CNTLN: variants seen among roughly 807,000 people sequenced by gnomAD.
CNTLN encodes centlein, also known as centlein, centrosomal protein.
A neutral mutation model predicts 180.0 loss-of-function variants in CNTLN; 212 were observed. The observed-to-expected ratio is 1.18, with a 90% confidence interval of 1.05 to 1.32. The LOEUF is 1.32. CNTLN is among the 40% of genes most tolerant of loss of function. The pLI is 0.00. For synonymous variants in CNTLN, 722 were observed against 563.1 expected (o/e 1.28, Z -3.99); for missense variants, 2,095 against 1,610.9 (o/e 1.30, Z -5.14).
At chr9:17,519,362 A>T in the CNTLN span, among the ~76,000 whole-genome samples, 1 of 152,192 alleles carries the variant, frequency 6.6e-6, no homozygotes, top group East Asian at 1.9e-4. Flanking sequence ...TTTTAATTTA[A>T]CATGGTACTC....
Position 17,309,104 on chromosome 9 carries a change from A to C in CNTLN, c.1193A>C (p.Glu398Ala). ...TGTTTTGAAACCACAAAATCAAATG[A>C]AGCTATGCTCCGGCAAAGTGTTACT... ...HICFETTKSNEAMLRQSVTNL... is the reference protein window; with the variant it reads ...HICFETTKSNAAMLRQSVTNL... The change falls in exon 8 of 26, where the codon GAA (glutamate) becomes GCA (alanine). Residue 398 changes from glutamate (E) to alanine (A), a missense_variant. Coordinates refer to ENST00000380647, the MANE Select transcript of CNTLN (RefSeq NM_017738.4). The C allele has an allele frequency of 6.2e-7, 1 of 1,602,362 alleles. No individual in the cohort carries two copies. Among genetic ancestry groups the C allele is most frequent in the Non-Finnish European group, 8.5e-7 (1 of 1,176,450 alleles).
chr9:17,523,736 T>C, the CNTLN span, among the ~76,000 whole-genome samples: 4 of 152,234 alleles, frequency 2.6e-5, no homozygotes, highest in African/African-American at 4.8e-5. Context: ...CTGAGACTTC[T>C]AGAACTTTTA....
At chr9:17,478,413 C>T (rs1453299247) in intron 23 of CNTLN, among the ~76,000 whole-genome samples, 1 of 151,976 alleles carries the variant, frequency 6.6e-6, no homozygotes, top group Non-Finnish European at 1.5e-5. Context: ...TTGATGTAGT[C>T]CTACTTATTT....
At position 17,366,645 on chromosome 9, in the gene CNTLN, C is replaced by T; in HGVS notation, c.1915C>T (p.Leu639Phe). Residue 639 changes from leucine to phenylalanine, a missense_variant, in exon 13 of 26, where the codon CTT becomes TTT. Leu to Phe is a conservative substitution (Grantham distance 22, BLOSUM62 0). Transcript: ENST00000380647. The part of the protein sequence containing the change: ...KMNLEEELDE[L>F]KVHISIDKAA... ...GAATCTTGAAGAAGAATTAGATGAA[C>T]TTAAAGTACATATATCTATTGATAA... 1 of 1,563,708 alleles carries T rather than the reference C, an allele frequency of 6.4e-7. No individual in the cohort carries two copies. Among genetic ancestry groups the T allele is most frequent in the South Asian group, 1.2e-5 (1 of 86,932 alleles).
At chr9:17,465,253 A>G (rs1831681464) in intron 21 of CNTLN, among the ~76,000 whole-genome samples, 1 of 150,560 alleles carries the variant, frequency 6.6e-6, no homozygotes, top group Non-Finnish European at 1.5e-5. Context: ...AAATTTAAGT[A>G]TCTCTTAGGT....
chr9:17,425,432 G>A (rs1257313878), intron 18 of CNTLN, among the ~76,000 whole-genome samples: 1 of 152,200 alleles, frequency 6.6e-6, no homozygotes, highest in East Asian at 1.9e-4. Context: ...TGACTGTGCT[G>A]ACACCCTGAT....
intron 13 of CNTLN, among the ~76,000 whole-genome samples, chr9:17,382,643 C>G (rs919146090): frequency 1.3e-5 from 2 of 152,074 alleles, no homozygotes; most frequent in Non-Finnish European, 2.9e-5. Context: ...AAAAATTGTT[C>G]TAAAACCCAT....
In CNTLN at chr9:17,264,469, A is replaced by G. The variant is rs568918410; in HGVS notation, c.850-9264A>G. Among the ~76,000 whole-genome samples, 277 of 149,446 alleles carry G rather than the reference A, an allele frequency of 1.9e-3. 7 individuals carry two copies. The highest frequency in any genetic ancestry group is 0.012 in the South Asian group (52 of 4,484). ...TAGCCTTGTAGTATAGTTTGAAGTC[A>G]GGTATCATGATGCCTTCAGCTTTGT... On this transcript the variant is annotated intron_variant, in intron 5 of 25. Coordinates refer to ENST00000380647, the MANE Select transcript of CNTLN (RefSeq NM_017738.4).
intron 5 of CNTLN, among the ~76,000 whole-genome samples, chr9:17,247,659 T>C (rs573918333): frequency 9.8e-5 from 15 of 152,308 alleles, no homozygotes; most frequent in African/African-American, 3.4e-4. Flanking sequence ...AGTTGTTCAA[T>C]ATGGTGTTCG....
intron 3 of CNTLN, among the ~76,000 whole-genome samples, chr9:17,229,273 A>G (rs1429686546): frequency 6.6e-6 from 1 of 152,130 alleles, no homozygotes; most frequent in Non-Finnish European, 1.5e-5. Context: ...AAGACATTAC[A>G]TTTAGCAGTC....
intron 5 of CNTLN, among the ~76,000 whole-genome samples, chr9:17,237,605 T>C (rs144504178): frequency 6.6e-6 from 1 of 152,144 alleles, no homozygotes; most frequent in African/African-American, 2.4e-5. Flanking sequence ...TTAAAGTATA[T>C]GGGAACGTGT....
intron 18 of CNTLN, among the ~76,000 whole-genome samples, chr9:17,440,982 C>T (rs922048963): frequency 6.6e-6 from 1 of 152,150 alleles, no homozygotes; most frequent in Non-Finnish European, 1.5e-5. Context: ...TTTAGAAGTA[C>T]TCTACAATTA....
intron 12 of CNTLN, among the ~76,000 whole-genome samples, chr9:17,357,346 G>C (rs1822930641): frequency 6.6e-6 from 1 of 151,502 alleles, no homozygotes; most frequent in Non-Finnish European, 1.5e-5. Context: ...AGGATTCTTT[G>C]TATCCTCCAC....
chr9:17,251,633 T>C (rs1261560003), intron 5 of CNTLN, among the ~76,000 whole-genome samples: 1 of 151,946 alleles, frequency 6.6e-6, no homozygotes, highest in Admixed American at 6.6e-5. Context: ...AATCTACCTA[T>C]TTATGGGCTA....
chr9:17,299,898 C>A (rs771683339), intron 7 of CNTLN: 141 of 613,106 alleles, frequency 2.3e-4, no homozygotes, highest in Middle Eastern at 1.7e-3. Context: ...GGCTTTCTTC[C>A]TTCAGTTTTT....
intron 7 of CNTLN, chr9:17,302,099 C>G (rs1818403935): frequency 4.2e-6 from 4 of 942,532 alleles, no homozygotes; most frequent in Admixed American, 6.5e-5. Flanking sequence ...TACACACACA[C>G]ACACACACAC....
chr9:17,517,625 T>C, the CNTLN span, among the ~76,000 whole-genome samples: 1 of 151,874 alleles, frequency 6.6e-6, no homozygotes, highest in Non-Finnish European at 1.5e-5. Context: ...CTGCCTCGGC[T>C]GAAGGAAGGC....
At chr9:17,238,718 GTAA>G (rs1370921414) in intron 5 of CNTLN, among the ~76,000 whole-genome samples, 1 of 152,024 alleles carries the variant, frequency 6.6e-6, no homozygotes, top group African/African-American at 2.4e-5. Context: ...TTTTCTCTTA[GTAA>G]TTTATCTTTT....
chr9:17,426,489 G>A (rs1050447448), intron 18 of CNTLN, among the ~76,000 whole-genome samples: 4 of 151,928 alleles, frequency 2.6e-5, no homozygotes, highest in Admixed American at 2.6e-4. Flanking sequence ...TGTTATCTGA[G>A]AGAGCTAAAG....
Sources: allele counts gnomAD v4.1 joint callset (sites outside exome capture counted in the v4.1 genomes callset), GRCh38; gene constraint gnomAD v4.1.1; transcripts MANE v1.5; gene names NCBI Gene and HGNC (gene_info 2026-07-23, HGNC 2026-07-21).